Variants in PC observed in about 807,000 individuals in gnomAD.
PC encodes the protein pyruvate carboxylase, mitochondrial.
In PC, 46 loss-of-function variants were observed where a neutral mutation model predicts 107.8. The ratio of observed to expected loss-of-function variants is 0.43; its 90% CI spans 0.34 to 0.55. The LOEUF is 0.55. Among genes scored for constraint, PC ranks in the 20% least tolerant of loss-of-function variants. PC has a pLI of 0.04. For synonymous variants in PC, 662 were observed against 684.7 expected (o/e 0.97, Z 0.52); for missense variants, 1,241 against 1,643.1 (o/e 0.76, Z 4.23).
chr11:66,889,457 G>A (rs1947488887), intron 3 of PC, among the ~76,000 whole-genome samples: 1 of 151,830 alleles, frequency 6.6e-6, no homozygotes, highest in Non-Finnish European at 1.5e-5. Flanking sequence ...TGCAATCTCC[G>A]CCTCCCAGGT....
At position 66,880,980 on chromosome 11, in the gene PC, G is replaced by A. The variant is rs554113017; in HGVS notation, c.1-8821C>T. Among the ~76,000 whole-genome samples, 145 of 152,358 alleles carry A rather than the reference G, an allele frequency of 9.5e-4. No individual in the cohort carries two copies. The Middle Eastern group carries it at 0.02, about 21-fold the overall frequency. ...CGCAACTCTTCAAGGGAGGCTGCTA[G>A]AGCCCCAGGTGTGAAGGGCATTCTG... On this transcript the variant is annotated intron_variant, in intron 3 of 22. Transcript: ENST00000393960.
At chr11:66,949,891 G>A (rs1484619140) in intron 3 of PC, among the ~76,000 whole-genome samples, 1 of 151,936 alleles carries the variant, frequency 6.6e-6, no homozygotes, top group African/African-American at 2.4e-5. Flanking sequence ...AAAATCCAGG[G>A]GTAGGAGTGG....
chr11:66,946,656 C>T (rs193107421), intron 3 of PC, among the ~76,000 whole-genome samples: 10 of 151,984 alleles, frequency 6.6e-5, no homozygotes, highest in African/African-American at 1.2e-4. Context: ...CCAGGCATGA[C>T]GTGCATGCCA....
intron 3 of PC, among the ~76,000 whole-genome samples, chr11:66,900,789 A>G (rs1947926093): frequency 6.6e-6 from 1 of 151,962 alleles, no homozygotes; most frequent in Non-Finnish European, 1.5e-5. Context: ...TTCATTTTCA[A>G]TTTGCCCACT....
At chr11:66,884,356 G>C (rs555119518) in intron 3 of PC, among the ~76,000 whole-genome samples, 1 of 152,204 alleles carries the variant, frequency 6.6e-6, no homozygotes, top group South Asian at 2.1e-4. Context: ...AAGCTGCAGT[G>C]AGCCATGATG....
At position 66,852,865 on chromosome 11, in the gene PC, G is replaced by A; in HGVS notation, c.1514-29C>T. On this transcript the variant is annotated intron_variant, in intron 13 of 22. Transcript: ENST00000393960. This position sits in a 1 kb window ranked among gnomAD's most constrained non-coding sequence, Gnocchi z 4.7. ...GGGAGAAAGCGGGCAGTGGGTCAGG[G>A]TGGGCTGGGCAGAGGCTGAGTCGAG... is the stretch of plus-strand genomic sequence containing the variant. The A allele has an allele frequency of 6.6e-7, 1 of 1,510,094 alleles. No homozygotes were observed. Among genetic ancestry groups the A allele is most frequent in the Non-Finnish European group, 9.0e-7 (1 of 1,107,600 alleles). 93.5% of individuals were successfully genotyped at this position (1,510,094 alleles called of 1,614,324 possible).
chr11:66,900,752 G>T (rs1377237994), intron 3 of PC, among the ~76,000 whole-genome samples: 2 of 151,664 alleles, frequency 1.3e-5, no homozygotes, highest in Admixed American at 1.3e-4. Flanking sequence ...ATTTTATTTT[G>T]ATGCTATCTT....
chr11:66,887,367 T>A (rs967006811), intron 3 of PC, among the ~76,000 whole-genome samples: 4 of 152,112 alleles, frequency 2.6e-5, no homozygotes, highest in African/African-American at 9.7e-5. Context: ...AGGAGAAAAG[T>A]AATATAGAGA....
At chr11:66,957,453 C>T (rs904188999) in intron 1 of PC, among the ~76,000 whole-genome samples, 3 of 152,118 alleles carry the variant, frequency 2.0e-5, no homozygotes, top group African/African-American at 7.2e-5. Flanking sequence ...CTCGTCTCTA[C>T]CAAAAAATAC....
chr11:66,946,746 A>G (rs564670751), intron 3 of PC, among the ~76,000 whole-genome samples: 1 of 152,106 alleles, frequency 6.6e-6, no homozygotes, highest in Non-Finnish European at 1.5e-5. Context: ...CCACGATCGC[A>G]TCAGTGCAAG....
rs748957599 is a variant in PC, at chr11:66,858,416, C to A, written c.1369-5033G>T. ...GTGGGCGTGATGCAGAGGCCTCTCC[C>A]GCCCCCCTGGTGCTGAGCTTTAGCG... On this transcript the variant is annotated intron_variant, in intron 12 of 22. Coordinates refer to ENST00000393960, the MANE Select transcript of PC (RefSeq NM_001040716.2). The surrounding 1 kb of genome is among the most constrained non-coding windows in gnomAD (Gnocchi z 5.9). 2 of 1,555,168 alleles carry A rather than the reference C, an allele frequency of 1.3e-6. No individual in the cohort carries two copies. Among genetic ancestry groups the A allele is most frequent in the South Asian group, 2.3e-5 (2 of 86,056 alleles).
intron 3 of PC, among the ~76,000 whole-genome samples, chr11:66,907,047 G>A (rs1443600622): frequency 6.6e-6 from 1 of 152,208 alleles, no homozygotes; most frequent in African/African-American, 2.4e-5. Flanking sequence ...TGGGGAGCTG[G>A]AGCACAGCAC....
chr11:66,851,727 G>A (rs1313494400), intron 16 of PC, 63 bp downstream of exon 16: 5 of 1,558,018 alleles, frequency 3.2e-6, no homozygotes, highest in African/African-American at 1.4e-5. Flanking sequence ...AGGCCATCAC[G>A]ACATGGCTCG....
intron 3 of PC, among the ~76,000 whole-genome samples, chr11:66,884,902 C>T (rs1947307177): frequency 6.6e-6 from 1 of 152,158 alleles, no homozygotes; most frequent in African/African-American, 2.4e-5. Flanking sequence ...GAGGAAGATG[C>T]CAGGACCCAG....
chr11:66,913,308 C>T (rs550151300), intron 3 of PC, among the ~76,000 whole-genome samples: 2 of 151,696 alleles, frequency 1.3e-5, no homozygotes, highest in Admixed American at 1.3e-4. Context: ...ATTATGGGGA[C>T]TCGTCTATAT....
In PC at chr11:66,857,625, A is replaced by T; in HGVS notation, c.1369-4242T>A. The T allele has an allele frequency of 1.7e-6, 2 of 1,176,910 alleles. No homozygotes were observed. The highest frequency in any genetic ancestry group is 3.2e-5 in the South Asian group (2 of 62,500). 72.9% of individuals were successfully genotyped at this position (1,176,910 alleles called of 1,614,324 possible). On this transcript the variant is annotated intron_variant, in intron 12 of 22. Coordinates refer to ENST00000393960, the MANE Select transcript of PC (RefSeq NM_001040716.2). This position sits in a 1 kb window ranked among gnomAD's most constrained non-coding sequence, Gnocchi z 7.1. ...GGCGGCCCTCTTGGGCCTCTGACCCAGCCCCTCCCCGGGCCAGGCTCACAG... is the reference window on the plus strand; with the variant it reads ...GGCGGCCCTCTTGGGCCTCTGACCCTGCCCCTCCCCGGGCCAGGCTCACAG...
chr11:66,922,100 G>A (rs1282962339), intron 3 of PC, among the ~76,000 whole-genome samples: 1 of 152,160 alleles, frequency 6.6e-6, no homozygotes, highest in African/African-American at 2.4e-5. Context: ...ATTTACTGAC[G>A]AAGTAAAGGG....
intron 3 of PC, among the ~76,000 whole-genome samples, chr11:66,938,664 C>T (rs1209061562): frequency 6.6e-6 from 1 of 152,078 alleles, no homozygotes; most frequent in Non-Finnish European, 1.5e-5. Flanking sequence ...GTTGGTATAG[C>T]ATTCCAAAAT....
At chr11:66,873,894 A>G (rs190111066) in intron 3 of PC, among the ~76,000 whole-genome samples, 3,174 of 151,774 alleles carry the variant, frequency 0.021, 104 homozygotes, top group African/African-American at 0.072. Flanking sequence ...CAGCCTCCCA[A>G]GTAGCTGGGA....
Sources: gnomAD v4.1 joint callset for allele counts (sites outside exome capture counted in the v4.1 genomes callset) on GRCh38, gnomAD v4.1.1 for gene constraint, Gnocchi (gnomAD v3.1) non-coding constraint, MANE v1.5 for transcripts, NCBI Gene and HGNC (gene_info 2026-07-23, HGNC 2026-07-21) for gene names.